The following PIGB variants were observed in gnomAD, a reference collection of about 807,000 sequenced individuals.
PIGB encodes phosphatidylinositol glycan anchor biosynthesis class B.
Under a neutral mutation model 68.4 loss-of-function variants are expected in PIGB, and 58 were observed. The ratio of observed to expected loss-of-function variants is 0.85; its 90% CI spans 0.69 to 1.06. PIGB has a LOEUF of 1.06. PIGB is among the 50% of genes least tolerant of loss of function. The probability of loss-of-function intolerance (pLI) is 0.00; values close to 1 mark genes in which losing one functional copy is unlikely to be tolerated. For missense variants in PIGB, 634 were observed against 655.8 expected (o/e 0.97, Z 0.36); for synonymous variants, 219 against 220.5 (o/e 0.99, Z 0.06).
chr15:55,326,941 C>A (rs920330424), intron 3 of PIGB, among the ~76,000 whole-genome samples: 3 of 152,000 alleles, frequency 2.0e-5, no homozygotes, highest in Non-Finnish European at 4.4e-5. Flanking sequence ...GTAATCCCAA[C>A]ACTTTGGGAG....
At chr15:55,333,099 T>C (rs964506291) in intron 5 of PIGB, among the ~76,000 whole-genome samples, 2 of 152,168 alleles carry the variant, frequency 1.3e-5, no homozygotes, top group Non-Finnish European at 1.5e-5. Context: ...CATTTTTTTT[T>C]CAATCAAGAA....
At chr15:55,320,119 G>A in intron 1 of PIGB, 156 bp from the exon 2 acceptor site, 1 of 523,982 alleles carries the variant, frequency 1.9e-6, no homozygotes, top group Admixed American at 3.6e-5. Context: ...TGTGGTGCTT[G>A]TATAACCAAC....
At chr15:55,347,427 C>CA (rs747839295) in intron 9 of PIGB, among the ~76,000 whole-genome samples, 47 of 152,096 alleles carry the variant, frequency 3.1e-4, no homozygotes, top group Non-Finnish European at 5.3e-4. Context: ...GAGTCCATCT[C>CA]AAAAAAATAA....
At chr15:55,334,923 T>A (rs760640494) in intron 6 of PIGB, among the ~76,000 whole-genome samples, 22 of 152,222 alleles carry the variant, frequency 1.4e-4, no homozygotes, top group Non-Finnish European at 1.3e-4. Context: ...TTTCACCATG[T>A]TGGCCAGCTA....
intron 6 of PIGB, among the ~76,000 whole-genome samples, chr15:55,334,354 C>T (rs952404335): frequency 4.6e-5 from 7 of 152,162 alleles, no homozygotes; most frequent in African/African-American, 7.2e-5. Context: ...TCATAATTTT[C>T]ATAATACTTC....
At chr15:55,321,485 C>G in intron 3 of PIGB, 95 bp downstream of exon 3, 1 of 956,200 alleles carries the variant, frequency 1.0e-6, no homozygotes, top group Non-Finnish European at 1.6e-6. Context: ...TCTGGGAAGC[C>G]CATGATACTA....
At chr15:55,345,276 C>G (rs535687508) in intron 9 of PIGB, among the ~76,000 whole-genome samples, 37 of 152,262 alleles carry the variant, frequency 2.4e-4, no homozygotes, top group South Asian at 1.7e-3. Flanking sequence ...AATTGTTCCC[C>G]TGCTCTCCCT....
chr15:55,340,455 TAA>T (rs377443578), intron 7 of PIGB, 155 bp from the exon 8 acceptor site: 8,791 of 311,416 alleles, frequency 0.028, no homozygotes, highest in South Asian at 0.043. Flanking sequence ...GACTCCATCT[TAA>T]AAAAAAAAAA....
intron 9 of PIGB, chr15:55,346,894 G>C (rs575061173): frequency 2.0e-5 from 3 of 152,156 alleles, no homozygotes; most frequent in Non-Finnish European, 4.4e-5. Context: ...TCTAGCATTG[G>C]AACTGGAAAA....
chr15:55,339,486 T>G (rs1313371791), intron 7 of PIGB, among the ~76,000 whole-genome samples, 168 bp downstream of exon 7: 1 of 152,228 alleles, frequency 6.6e-6, no homozygotes, highest in Non-Finnish European at 1.5e-5. Context: ...CATAAAAGAA[T>G]TAGTACTCCT....
chr15:55,332,778 C>T (rs2055447310), intron 5 of PIGB, among the ~76,000 whole-genome samples: 1 of 152,050 alleles, frequency 6.6e-6, no homozygotes, highest in South Asian at 2.1e-4. Context: ...AAGTATTTTT[C>T]CACATAATAA....
chr15:55,333,986 T>C lies in PIGB; in HGVS notation c.773T>C (p.Leu258Pro), dbSNP rs1183880275. ...GAACCAAGAAAGCTTGATCTTATTCTACATCATTTTTTACCTGTAGGGTAA... is the reference window on the plus strand; with the variant it reads ...GAACCAAGAAAGCTTGATCTTATTCCACATCATTTTTTACCTGTAGGGTAA... The part of the protein sequence containing the change: ...CQEPRKLDLI[L>P]HHFLPVGFVT... Residue 258 changes from leucine (L) to proline (P), a missense_variant, in exon 6 of 12, where the codon CTA (leucine) becomes CCA (proline). By Grantham distance (98) the Leu-to-Pro change is moderately conservative. Transcript: ENST00000164305. The C allele has an allele frequency of 6.2e-7, 1 of 1,603,188 alleles. No homozygotes were observed. Among genetic ancestry groups the C allele is most frequent in the Admixed American group, 1.7e-5 (1 of 57,956 alleles).
In PIGB at chr15:55,319,261, C is replaced by A. The variant is rs540526125; in HGVS notation, c.11C>A (p.Pro4His). The part of the protein sequence containing the change: MRR[P>H]LSKCGMEPGG... The stretch of plus-strand genomic sequence containing the variant: ...AGGTGGCGGCCAGGGATGAGGAGGC[C>A]CCTAAGCAAGTGCGGAATGGAGCCG... Residue 4 changes from proline to histidine, a missense_variant, in exon 1 of 12, where the codon CCC becomes CAC. Physicochemically the swap from Pro to His is moderately conservative, Grantham distance 77 (BLOSUM62 -2). Coordinates refer to ENST00000164305, the MANE Select transcript of PIGB (RefSeq NM_004855.5). 3 of 1,606,544 alleles carry A rather than the reference C, an allele frequency of 1.9e-6. No individual in the cohort carries two copies. Among genetic ancestry groups the A allele is most frequent in the Admixed American group, 1.7e-5 (1 of 58,950 alleles).
intron 6 of PIGB, among the ~76,000 whole-genome samples, chr15:55,337,120 TAAAG>T (rs1175779540): frequency 1.3e-5 from 2 of 151,910 alleles, no homozygotes; most frequent in Non-Finnish European, 2.9e-5. Flanking sequence ...CCAATAAATA[TAAAG>T]AGACTCATTT....
chr15:55,323,793 A>T (rs2055217267), intron 3 of PIGB, among the ~76,000 whole-genome samples: 1 of 152,278 alleles, frequency 6.6e-6, no homozygotes, highest in Non-Finnish European at 1.5e-5. Context: ...CATGTGGCTC[A>T]TGTTATATGT....
chr15:55,349,114 C>T (rs2055868910), intron 9 of PIGB, among the ~76,000 whole-genome samples: 1 of 151,436 alleles, frequency 6.6e-6, no homozygotes, highest in Non-Finnish European at 1.5e-5. Context: ...AACTCCTGAC[C>T]TCAAGTGATC....
At chr15:55,325,372 T>C (rs907711390) in intron 3 of PIGB, among the ~76,000 whole-genome samples, 2 of 152,062 alleles carry the variant, frequency 1.3e-5, no homozygotes, top group Non-Finnish European at 2.9e-5. Flanking sequence ...CACGTATAAA[T>C]TTTTAGAAAC....
chr15:55,323,140 G>T (rs190641516), intron 3 of PIGB, among the ~76,000 whole-genome samples: 4 of 152,286 alleles, frequency 2.6e-5, no homozygotes, highest in Admixed American at 2.6e-4. Flanking sequence ...GATATGATCA[G>T]TCATTCATAC....
intron 10 of PIGB, among the ~76,000 whole-genome samples, chr15:55,352,272 T>G (rs1358696359): frequency 2.0e-5 from 3 of 152,160 alleles, no homozygotes; most frequent in African/African-American, 7.2e-5. Context: ...TTAATCTCTT[T>G]GGACATCAGT....
Sources: allele counts gnomAD v4.1 joint callset (sites outside exome capture counted in the v4.1 genomes callset), GRCh38; gene constraint gnomAD v4.1.1; transcripts MANE v1.5; gene names NCBI Gene and HGNC (gene_info 2026-07-23, HGNC 2026-07-21).